DRC11: variants seen among roughly 807,000 people sequenced by gnomAD.
The protein encoded by DRC11 is dynein regulatory complex subunit 11.
chr2:236,482,652 T>C, the DRC11 span, among the ~76,000 whole-genome samples: 1 of 152,218 alleles, frequency 6.6e-6, no homozygotes, highest in African/African-American at 2.4e-5. The surrounding 1 kb of genome is among the most constrained non-coding windows in gnomAD (Gnocchi z 4.5). Context: ...AAATTAGGGA[T>C]GGGTGTGTAT....
the DRC11 span, chr2:236,441,064 A>T: frequency 6.4e-7 from 1 of 1,558,256 alleles, no homozygotes; most frequent in Non-Finnish European, 8.7e-7. Context: ...TGTCAGAAAA[A>T]ATAATAGCTG....
chr2:236,357,698 T>G, the DRC11 span, among the ~76,000 whole-genome samples: 3 of 87,644 alleles, frequency 3.4e-5, no homozygotes, highest in East Asian at 4.7e-4. Context: ...TGTAAATATC[T>G]GATATGTAAA....
At chr2:236,441,230 T>G in the DRC11 span, 1 of 793,870 alleles carries the variant, frequency 1.3e-6, no homozygotes, top group Admixed American at 2.1e-5. Context: ...TCATTAAGGG[T>G]GGAGGGTTCC....
At chr2:236,422,275 T>C in the DRC11 span, among the ~76,000 whole-genome samples, 1 of 152,212 alleles carries the variant, frequency 6.6e-6, no homozygotes, top group Non-Finnish European at 1.5e-5. Context: ...TTGTCCCTGT[T>C]TGCAGATGAC....
At chr2:236,503,581 T>TGG in the DRC11 span, 1 of 1,498,296 alleles carries the variant, frequency 6.7e-7, no homozygotes, top group Non-Finnish European at 9.1e-7. The surrounding 1 kb of genome is among the most constrained non-coding windows in gnomAD (Gnocchi z 4.9). Flanking sequence ...GATTCCCGGC[T>TGG]GACAGGAAAA....
the DRC11 span, chr2:236,380,454 G>A: frequency 6.1e-6 from 5 of 813,436 alleles, no homozygotes; most frequent in African/African-American, 1.7e-5. This position sits in a 1 kb window ranked among gnomAD's most constrained non-coding sequence, Gnocchi z 4.9. Flanking sequence ...CCACCACTCC[G>A]GGACTGTGGA....
At chr2:236,476,738 T>G in the DRC11 span, among the ~76,000 whole-genome samples, 1 of 140,636 alleles carries the variant, frequency 7.1e-6, no homozygotes, top group Non-Finnish European at 1.6e-5. The surrounding 1 kb of genome is among the most constrained non-coding windows in gnomAD (Gnocchi z 4.7). Context: ...TTTTTCCTGA[T>G]TGTATTTTTT....
the DRC11 span, among the ~76,000 whole-genome samples, chr2:236,364,295 C>CT: frequency 0.026 from 3,336 of 128,606 alleles, 77 homozygotes; most frequent in African/African-American, 0.05. Flanking sequence ...TTACCTCTGG[C>CT]TTTTTTTTTT....
At chr2:236,414,911 A>G in the DRC11 span, among the ~76,000 whole-genome samples, 3 of 152,166 alleles carry the variant, frequency 2.0e-5, no homozygotes, top group South Asian at 4.1e-4. Context: ...TTCTCACTCC[A>G]CTAGCCCTGC....
the DRC11 span, among the ~76,000 whole-genome samples, chr2:236,403,957 A>C: frequency 1.3e-5 from 2 of 152,020 alleles, no homozygotes. Flanking sequence ...TGTAACTGTC[A>C]CACACACGTT....
At chr2:236,486,042 G>T in the DRC11 span, among the ~76,000 whole-genome samples, 1 of 152,230 alleles carries the variant, frequency 6.6e-6, no homozygotes, top group Non-Finnish European at 1.5e-5. The surrounding 1 kb of genome is among the most constrained non-coding windows in gnomAD (Gnocchi z 5.7). Context: ...CCACTTCTGT[G>T]ATCATTTGCA....
the DRC11 span, among the ~76,000 whole-genome samples, chr2:236,323,902 G>A: frequency 6.6e-6 from 1 of 152,034 alleles, no homozygotes. The surrounding 1 kb of genome is among the most constrained non-coding windows in gnomAD (Gnocchi z 6.4). Context: ...TATGTACCCT[G>A]TGTTATTTCT....
At chr2:236,419,057 A>G in the DRC11 span, 2 of 1,438,340 alleles carry the variant, frequency 1.4e-6, no homozygotes, top group Admixed American at 2.9e-5. The surrounding 1 kb of genome is among the most constrained non-coding windows in gnomAD (Gnocchi z 4.8). Flanking sequence ...TGCACTCCCA[A>G]CAGATTTGTA....
At chr2:236,357,004 A>ATTATATATCTATT in the DRC11 span, among the ~76,000 whole-genome samples, 2 of 95,030 alleles carry the variant, frequency 2.1e-5, no homozygotes, top group African/African-American at 7.1e-5. Flanking sequence ...ATATATTTAT[A>ATTATATATCTATT]TATTCATATA....
the DRC11 span, among the ~76,000 whole-genome samples, chr2:236,415,258 T>C: frequency 6.6e-6 from 1 of 152,208 alleles, no homozygotes; most frequent in Non-Finnish European, 1.5e-5. The surrounding 1 kb of genome is among the most constrained non-coding windows in gnomAD (Gnocchi z 5.7). Flanking sequence ...AATTGATATG[T>C]GGTCTTGTCA....
chr2:236,456,214 C>G, the DRC11 span, among the ~76,000 whole-genome samples: 10 of 152,234 alleles, frequency 6.6e-5, no homozygotes, highest in Admixed American at 6.5e-4. This position sits in a 1 kb window ranked among gnomAD's most constrained non-coding sequence, Gnocchi z 5.4. Context: ...GTTCTAAGGG[C>G]TTTATACTTA....
At chr2:236,495,921 C>T in the DRC11 span, among the ~76,000 whole-genome samples, 2 of 152,262 alleles carry the variant, frequency 1.3e-5, no homozygotes, top group Admixed American at 1.3e-4. This position sits in a 1 kb window ranked among gnomAD's most constrained non-coding sequence, Gnocchi z 5.6. Context: ...AGATGATGTC[C>T]CTGGAGCAGA....
chr2:236,357,286 TTATA>T, the DRC11 span, among the ~76,000 whole-genome samples: 1 of 111,372 alleles, frequency 9.0e-6, no homozygotes, highest in Non-Finnish European at 1.7e-5. Context: ...TATTATATAT[TTATA>T]TATTATATAT....
chr2:236,352,499 A>C, the DRC11 span, among the ~76,000 whole-genome samples: 6 of 152,134 alleles, frequency 3.9e-5, no homozygotes, highest in East Asian at 1.2e-3. This position sits in a 1 kb window ranked among gnomAD's most constrained non-coding sequence, Gnocchi z 7.0. Context: ...GGAAGTGTGC[A>C]GGCCAGACAA....
Sources: allele counts gnomAD v4.1 joint callset (sites outside exome capture counted in the v4.1 genomes callset), GRCh38; gene constraint gnomAD v4.1.1; non-coding constraint Gnocchi (gnomAD v3.1); transcripts MANE v1.5; gene names NCBI Gene and HGNC (gene_info 2026-07-23, HGNC 2026-07-21).